TANC2: variants seen among roughly 807,000 people sequenced by gnomAD.
TANC2 encodes protein TANC2.
Under a neutral mutation model 210.5 loss-of-function variants are expected in TANC2, and 26 were observed. The observed-to-expected ratio is 0.12, with a 90% CI of 0.09 to 0.17. TANC2 has a LOEUF of 0.17. TANC2 is among the 10% of genes least tolerant of loss of function. TANC2 has a pLI of 1.00. For synonymous variants in TANC2, 931 were observed against 967.1 expected, an observed-to-expected ratio of 0.96 and a Z score of 0.69; for missense variants, 2,129 against 2,608.9, an observed-to-expected ratio of 0.82 and a Z score of 4.01.
chr17:63,182,431 G>C, intron 5 of TANC2: 1 of 265,088 alleles, frequency 3.8e-6, no homozygotes, highest in South Asian at 5.5e-5. Flanking sequence ...TTGACAGTTC[G>C]TTTTAGTTTG....
At chr17:63,087,362 CTT>C (rs575697469) in intron 3 of TANC2, among the ~76,000 whole-genome samples, 19 of 152,258 alleles carry the variant, frequency 1.2e-4, no homozygotes, top group East Asian at 9.7e-4. Flanking sequence ...AAGTTCTTGT[CTT>C]TTGGTGAGCC....
chr17:63,079,716 G>A, intron 3 of TANC2, among the ~76,000 whole-genome samples: 1 of 152,134 alleles, frequency 6.6e-6, no homozygotes, highest in East Asian at 1.9e-4. Flanking sequence ...TTCTTCTCCA[G>A]TAGCAGCAGA....
chr17:63,406,327 G>C (rs754788725), intron 21 of TANC2, 50 bp downstream of exon 21: 3 of 1,600,286 alleles, frequency 1.9e-6, no homozygotes, highest in Non-Finnish European at 2.6e-6. Flanking sequence ...TAATTACCTG[G>C]TGAACTCATG....
At chr17:63,070,517 C>T (rs1248557529) in intron 2 of TANC2, among the ~76,000 whole-genome samples, 1 of 152,184 alleles carries the variant, frequency 6.6e-6, no homozygotes, top group Non-Finnish European at 1.5e-5. Flanking sequence ...AGTCATTCAA[C>T]TCATTCCTTT....
At chr17:63,332,201 TTGCTC>T (rs1166713332) in intron 11 of TANC2, 1 of 376,106 alleles carries the variant, frequency 2.7e-6, no homozygotes, top group Non-Finnish European at 5.2e-6. Flanking sequence ...TATTTCTTCT[TTGCTC>T]TGGGAATTTT....
chr17:63,304,586 A>G (rs1028829484), intron 9 of TANC2, among the ~76,000 whole-genome samples: 1 of 152,108 alleles, frequency 6.6e-6, no homozygotes, highest in Non-Finnish European at 1.5e-5. Flanking sequence ...GGACCTGTTT[A>G]TTAACAAAGC....
At chr17:63,306,238 A>G (rs1045217231) in intron 9 of TANC2, among the ~76,000 whole-genome samples, 7 of 152,242 alleles carry the variant, frequency 4.6e-5, no homozygotes, top group Non-Finnish European at 7.3e-5. Context: ...GGAAAAATTC[A>G]TAAGACTTGA....
At chr17:63,037,480 A>G (rs2035018254) in intron 2 of TANC2, among the ~76,000 whole-genome samples, 1 of 152,042 alleles carries the variant, frequency 6.6e-6, no homozygotes. Flanking sequence ...TTGTTTTTAA[A>G]ATTTTGGTTT....
chr17:63,055,977 AAAAAAAAAAAAAAATATATAT>A (rs2035765025), intron 2 of TANC2, among the ~76,000 whole-genome samples: 1 of 28,370 alleles, frequency 3.5e-5, no homozygotes, highest in Non-Finnish European at 7.4e-5. Context: ...AAAAAAAAAA[AAAAAAAAAAAAAAATATATAT>A]ATATATATAT....
intron 1 of TANC2, among the ~76,000 whole-genome samples, chr17:62,983,154 A>C (rs1375476764): frequency 2.0e-5 from 3 of 152,022 alleles, no homozygotes; most frequent in Admixed American, 6.5e-5. Context: ...TTTCTTATAG[A>C]GGTCTTCAAC....
intron 1 of TANC2, chr17:62,978,399 T>C (rs1163909522): frequency 1.3e-5 from 2 of 152,208 alleles, no homozygotes; most frequent in Non-Finnish European, 2.9e-5. Context: ...CCTGCCCATG[T>C]GGACAGCAGT....
chr17:63,395,749 C>T (rs1396765568), exon 18 of TANC2: 2 of 1,613,170 alleles, frequency 1.2e-6, no homozygotes, highest in Non-Finnish European at 1.7e-6. Context: ...TTAGGTGGAT[C>T]ATTTGGATAA....
chr17:63,410,027 G>C (rs1454922024), intron 21 of TANC2, among the ~76,000 whole-genome samples: 4 of 152,190 alleles, frequency 2.6e-5, no homozygotes, highest in Admixed American at 6.5e-5. Flanking sequence ...AAAAGGTTCA[G>C]ATTGTGGAGC....
chr17:63,388,843 G>T, intron 16 of TANC2, 86 bp downstream of exon 16: 2 of 1,004,140 alleles, frequency 2.0e-6, no homozygotes, highest in South Asian at 2.4e-5. Context: ...CTATTTAGTT[G>T]ATCTTTGACT....
intron 3 of TANC2, among the ~76,000 whole-genome samples, chr17:63,079,186 C>T (rs1295469652): frequency 6.6e-6 from 1 of 152,142 alleles, no homozygotes; most frequent in East Asian, 1.9e-4. Context: ...AGGGGATTTC[C>T]CCCATTCACG....
chr17:63,080,259 TG>T (rs2144709704), intron 3 of TANC2, among the ~76,000 whole-genome samples: 1 of 152,318 alleles, frequency 6.6e-6, no homozygotes, highest in African/African-American at 2.4e-5. Flanking sequence ...TTGGTTTTTT[TG>T]TTTGTTTTAC....
chr17:63,264,527 T>G (rs2043465390), intron 8 of TANC2, among the ~76,000 whole-genome samples: 1 of 152,122 alleles, frequency 6.6e-6, no homozygotes, highest in South Asian at 2.1e-4. Context: ...AGAAACTGGG[T>G]TATCATTGTG....
chr17:63,303,684 G>A (rs1180637074), intron 9 of TANC2, among the ~76,000 whole-genome samples: 1 of 152,148 alleles, frequency 6.6e-6, no homozygotes, highest in Non-Finnish European at 1.5e-5. Flanking sequence ...ATATCCTGAA[G>A]TGTGTTTTCC....
intron 4 of TANC2, among the ~76,000 whole-genome samples, chr17:63,106,692 G>A (rs1475706172): frequency 1.3e-5 from 2 of 151,598 alleles, no homozygotes; most frequent in African/African-American, 2.4e-5. Context: ...CCTAAAAGGC[G>A]GCATGAATTA....
Sources: allele counts gnomAD v4.1 joint callset (sites outside exome capture counted in the v4.1 genomes callset), GRCh38; gene constraint gnomAD v4.1.1; transcripts MANE v1.5; gene names NCBI Gene and HGNC (gene_info 2026-07-23, HGNC 2026-07-21).